The following LPP variants were observed in gnomAD, a reference collection of about 807,000 sequenced individuals.
LPP encodes LIM domain containing preferred translocation partner in lipoma.
In LPP, 38 loss-of-function variants were observed where a neutral mutation model predicts 60.4. The observed-to-expected ratio is 0.63, with a 90% CI of 0.49 to 0.83. The LOEUF is 0.83. LPP is among the 40% of genes least tolerant of loss of function. LPP has a pLI of 0.00. For missense variants in LPP, 902 were observed against 783.6 expected, an observed-to-expected ratio of 1.15 and a Z score of -1.80; for synonymous variants, 328 against 290.8, an observed-to-expected ratio of 1.13 and a Z score of -1.30.
intron 7 of LPP, among the ~76,000 whole-genome samples, chr3:188,629,171 GCACT>G (rs1847403433): frequency 6.6e-6 from 1 of 152,056 alleles, no homozygotes; most frequent in African/African-American, 2.4e-5. Flanking sequence ...AAAGCTGGAA[GCACT>G]CCCCTTGAGA....
At chr3:188,393,973 T>C (rs1369038793) in intron 3 of LPP, among the ~76,000 whole-genome samples, 2 of 152,242 alleles carry the variant, frequency 1.3e-5, no homozygotes, top group Non-Finnish European at 1.5e-5. Flanking sequence ...TGTGATGATT[T>C]AAATGCCCCT....
At chr3:188,467,290 T>G (rs1011377995) in intron 4 of LPP, among the ~76,000 whole-genome samples, 1 of 152,060 alleles carries the variant, frequency 6.6e-6, no homozygotes, top group Non-Finnish European at 1.5e-5. Context: ...TTAAATAATA[T>G]GTTTAAATTT....
chr3:188,850,841 G>T (rs1425723466), intron 9 of LPP, among the ~76,000 whole-genome samples: 1 of 152,100 alleles, frequency 6.6e-6, no homozygotes. Context: ...CTAGACCTTG[G>T]GCAGACAAAG....
At chr3:188,550,577 C>CAAAAA (rs67052080) in intron 6 of LPP, among the ~76,000 whole-genome samples, 16 of 66,880 alleles carry the variant, frequency 2.4e-4, no homozygotes, top group East Asian at 6.0e-4. Flanking sequence ...GACTCCATCT[C>CAAAAA]AAAAAAAAAA....
rs1334523948 is a variant in LPP, at chr3:188,877,684, AAAAAT to A, written c.*3220_*3224del. On this transcript the variant is annotated 3_prime_UTR_variant, in exon 12 of 12. Transcript: ENST00000617246. ...AACATAGTGAGACCTTGTCTCTACA[AAAAAT>A]AAAATAAAATAAAAACCAAATTAGC... The A allele has an allele frequency of 1.0e-5, 2 of 190,628 alleles. No homozygotes were observed. Among genetic ancestry groups the A allele is most frequent in the South Asian group, 1.9e-4 (1 of 5,150 alleles). The allele number at this position is 190,628 out of a possible 1,614,324, so 11.8% of individuals were successfully genotyped here.
chr3:188,273,589 C>CTTTTTTTTTTTTTTTTTTT (rs11380757), intron 2 of LPP, among the ~76,000 whole-genome samples: 1 of 80,422 alleles, frequency 1.2e-5, no homozygotes, highest in Non-Finnish European at 2.2e-5. Flanking sequence ...TATTTTATAT[C>CTTTTTTTTTTTTTTTTTTT]TTTTTTTTTT....
At chr3:188,274,027 GAAA>G (rs1738791658) in intron 2 of LPP, among the ~76,000 whole-genome samples, 1 of 152,120 alleles carries the variant, frequency 6.6e-6, no homozygotes, top group South Asian at 2.1e-4. Flanking sequence ...ATGGCTTTAT[GAAA>G]AGTAAACCCT....
In LPP at chr3:188,863,175, T is replaced by G. The variant is rs374988242; in HGVS notation, c.1411-3025T>G. Among the ~76,000 whole-genome samples, 271 of 152,348 alleles carry G rather than the reference T, an allele frequency of 1.8e-3. 1 individual carries two copies. Among genetic ancestry groups the G allele is most frequent in the African/African-American group, 6.1e-3 (253 of 41,582 alleles). On this transcript the variant is annotated intron_variant, in intron 9 of 11. Coordinates refer to ENST00000617246, the MANE Select transcript of LPP (RefSeq NM_001375462.1). ...GTAAACATGTATCTTTTTCTATTGT[T>G]GTTAATACTGATTTATCACAGATTA...
chr3:188,368,715 C>G (rs866244391), intron 3 of LPP, among the ~76,000 whole-genome samples: 12 of 74,064 alleles, frequency 1.6e-4, no homozygotes, highest in African/African-American at 3.5e-4. Context: ...CACACACACA[C>G]ACACAGAGAG....
At chr3:188,329,946 A>G (rs1169980744) in intron 2 of LPP, among the ~76,000 whole-genome samples, 1 of 152,206 alleles carries the variant, frequency 6.6e-6, no homozygotes, top group Non-Finnish European at 1.5e-5. Flanking sequence ...ATCATCCTTT[A>G]TATCACTATA....
In LPP at chr3:188,609,922, A is replaced by G; in HGVS notation, c.1113+78A>G. 7.3e-7 allele frequency: 1 copy of G among 1,369,662 alleles called. No individual in the cohort carries two copies. The highest frequency in any genetic ancestry group is 1.0e-6 in the Non-Finnish European group (1 of 1,001,370). The allele number at this position is 1,369,662 out of a possible 1,614,324, so 84.8% of individuals were successfully genotyped here. On this transcript the variant is annotated intron_variant, in intron 7 of 11. Transcript: ENST00000617246. This position sits in a 1 kb window ranked among gnomAD's most constrained non-coding sequence, Gnocchi z 6.9. ...TGCCTTCCCCAGGAAGCGAAGCCTA[A>G]GGCAAAAGTGTGTGTGTTACTTTTA...
At chr3:188,188,810 C>T (rs1243373985) in intron 1 of LPP, among the ~76,000 whole-genome samples, 1 of 152,146 alleles carries the variant, frequency 6.6e-6, no homozygotes, top group Non-Finnish European at 1.5e-5. Flanking sequence ...AAAACTTCAT[C>T]AGGCTAGCAA....
chr3:188,767,929 T>C (rs1349310140), intron 9 of LPP, among the ~76,000 whole-genome samples: 6 of 152,106 alleles, frequency 3.9e-5, no homozygotes, highest in Non-Finnish European at 8.8e-5. Context: ...AATACTGCAA[T>C]GTTTAGATCT....
intron 9 of LPP, among the ~76,000 whole-genome samples, chr3:188,770,936 G>A (rs950404352): frequency 3.3e-5 from 5 of 152,156 alleles, no homozygotes; most frequent in Non-Finnish European, 7.4e-5. Context: ...TTGTAAAACA[G>A]TTTGAAAACA....
At chr3:188,697,508 T>A (rs2149538987) in intron 7 of LPP, among the ~76,000 whole-genome samples, 1 of 152,310 alleles carries the variant, frequency 6.6e-6, no homozygotes, top group Admixed American at 6.5e-5. Flanking sequence ...TTTATGCATA[T>A]CAGACTGAAA....
chr3:188,474,068 T>A (rs1802523513), intron 4 of LPP, among the ~76,000 whole-genome samples: 1 of 152,246 alleles, frequency 6.6e-6, no homozygotes, highest in Non-Finnish European at 1.5e-5. Flanking sequence ...TGACCTTATG[T>A]CAATATTTGA....
chr3:188,286,833 A>T (rs1031069197), intron 2 of LPP, among the ~76,000 whole-genome samples: 3 of 152,214 alleles, frequency 2.0e-5, no homozygotes, highest in Non-Finnish European at 4.4e-5. Flanking sequence ...AAAATCGAGG[A>T]CACATTAATA....
At chr3:188,632,374 G>T (rs1847990356) in intron 7 of LPP, among the ~76,000 whole-genome samples, 1 of 152,190 alleles carries the variant, frequency 6.6e-6, no homozygotes. Flanking sequence ...CTAACCTATA[G>T]GACCGGTAGG....
At chr3:188,289,515 CTGAGA>C (rs1745228792) in intron 2 of LPP, among the ~76,000 whole-genome samples, 1 of 152,130 alleles carries the variant, frequency 6.6e-6, no homozygotes, top group African/African-American at 2.4e-5. Flanking sequence ...GAAATATGAT[CTGAGA>C]TAATAGTCAG....
Sources: gnomAD v4.1 joint callset for allele counts (sites outside exome capture counted in the v4.1 genomes callset) on GRCh38, gnomAD v4.1.1 for gene constraint, Gnocchi (gnomAD v3.1) non-coding constraint, MANE v1.5 for transcripts, NCBI Gene and HGNC (gene_info 2026-07-23, HGNC 2026-07-21) for gene names.